Variants in TAP1 observed in about 807,000 individuals in gnomAD.
The protein encoded by TAP1 is antigen peptide transporter 1.
TAP1 carries 56 observed loss-of-function variants against 79.3 expected under a neutral mutation model. The observed-to-expected ratio is 0.71, with a 90% confidence interval of 0.57 to 0.88. The LOEUF (loss-of-function observed/expected upper bound fraction) is 0.88, where lower values mean the gene tolerates loss of function less well. Among genes scored for constraint, TAP1 ranks in the 40% least tolerant of loss-of-function variants. The pLI is 0.00. For synonymous variants in TAP1, 355 were observed against 401.4 expected (o/e 0.88, Z 1.38); for missense variants, 737 against 936.3 (o/e 0.79, Z 2.78).
In TAP1 at chr6:32,845,704, G is replaced by A. The variant is rs763013939; in HGVS notation, c.2122C>T (p.Gln708Ter). 1 of 1,613,048 alleles carries A rather than the reference G, an allele frequency of 6.2e-7. No individual in the cohort carries two copies. ...TCCAGAAAGAGGATGTGGTCAGCCT[G>A]CTCCACCAGGCTGAGGTGCTGGGTG... The part of the protein sequence containing the change: ...LITQHLSLVE[Q>*]ADHILFLEGG... Residue 708 changes from glutamine to a stop codon, truncating the protein, a stop_gained, in exon 11 of 11, where the codon CAG becomes TAG. Coordinates refer to ENST00000354258, the MANE Select transcript of TAP1 (RefSeq NM_000593.6). LOFTEE classifies it high-confidence loss of function. The surrounding 1 kb of genome is among the most constrained non-coding windows in gnomAD (Gnocchi z 4.5).
Position 32,847,599 on chromosome 6 carries a change from T to C in TAP1, c.1817A>G (p.Lys606Arg). ...QENIAYGLTQKPTMEEITAAA... is the reference protein window; with the variant it reads ...QENIAYGLTQRPTMEEITAAA... ...AGCTGTGATTTCCTCCATAGTTGGCTTCTGGGTCAGGCCATAGGCAATATT... is the reference window on the plus strand; with the variant it reads ...AGCTGTGATTTCCTCCATAGTTGGCCTCTGGGTCAGGCCATAGGCAATATT... Residue 606 changes from lysine to arginine, a missense_variant, in exon 9 of 11, where the codon AAG (lysine) becomes AGG (arginine). Around this residue, in one of 5 missense-constraint regions of TAP1, gnomAD observed 266 missense variants for 332.4 expected, o/e 0.80. Transcript: ENST00000354258. This position sits in a 1 kb window ranked among gnomAD's most constrained non-coding sequence, Gnocchi z 4.7. 2 of 1,614,120 alleles carry C rather than the reference T, an allele frequency of 1.2e-6. No homozygotes were observed. Among genetic ancestry groups the C allele is most frequent in the South Asian group, 1.1e-5 (1 of 91,066 alleles).
rs1715176722 is a variant in TAP1 at position 32,848,640 on chromosome 6, G to A, written c.1566+12C>T. 5.0e-6 allele frequency: 8 copies of A among 1,613,466 alleles called. No individual in the cohort carries two copies. The highest frequency in any genetic ancestry group is 5.9e-6 in the Non-Finnish European group (7 of 1,179,772). ...TTGGGGCCAGTGGAATACAGGGAGT[G>A]GTAGGTTGTACCTGTAGCACTAAGA... On this transcript the variant is annotated intron_variant, in intron 7 of 10. Coordinates refer to ENST00000354258, the MANE Select transcript of TAP1 (RefSeq NM_000593.6).
In TAP1 at chr6:32,848,988, A is replaced by T; in HGVS notation, c.1377+2T>A. On this transcript the variant is annotated splice_donor_variant, in intron 6 of 10. Transcript: ENST00000354258. LOFTEE classifies it high-confidence loss of function. Reference sequence around the variant, plus strand: ...TGGGGAGTGAAGGTGGAGGGACCTCACCTCCACAGCCTGGGTGAACTGCAT... The same window carrying T: ...TGGGGAGTGAAGGTGGAGGGACCTCTCCTCCACAGCCTGGGTGAACTGCAT... 6.2e-7 allele frequency: 1 copy of T among 1,612,490 alleles called. No individual in the cohort carries two copies. Among genetic ancestry groups the T allele is most frequent in the South Asian group, 1.1e-5 (1 of 90,700 alleles).
Position 32,847,805 on chromosome 6 carries a change from C to G in TAP1, c.1740+114G>C. On this transcript the variant is annotated intron_variant, in intron 8 of 10. Coordinates refer to ENST00000354258, the MANE Select transcript of TAP1 (RefSeq NM_000593.6). The surrounding 1 kb of genome is among the most constrained non-coding windows in gnomAD (Gnocchi z 4.7). ...TACTACCTCCCTCCTGACTACACCA[C>G]CATCTCCACCCAAGGTCTCTTATCA... The G allele has an allele frequency of 6.4e-7, 1 of 1,567,486 alleles. No homozygotes were observed. The highest frequency in any genetic ancestry group is 1.7e-5 in the Admixed American group (1 of 59,940).
In TAP1 at chr6:32,851,132, C is replaced by T; in HGVS notation, c.862G>A (p.Val288Ile). ...CTCAGGGTGGACGTGTCCTCTGTTA[C>T]CCGAGACATGATGTTACCTGCAGGG... ...QNQTGNIMSR[V>I]TEDTSTLSDS... is the part of the protein sequence containing the mutation. The change falls in exon 4 of 11, where the codon GTA becomes ATA. Residue 288 changes from valine (V) to isoleucine (I), a missense_variant. Transcript: ENST00000354258. This position sits in a 1 kb window ranked among gnomAD's most constrained non-coding sequence, Gnocchi z 4.8. 6.2e-7 allele frequency: 1 copy of T among 1,612,878 alleles called. No individual in the cohort carries two copies. The highest frequency in any genetic ancestry group is 8.5e-7 in the Non-Finnish European group (1 of 1,179,994).
rs752671881 is a variant in TAP1, at chr6:32,850,989, C to T, written c.1005G>A (p.Leu335=). Residue 335 remains leucine (L), a synonymous_variant, in exon 4 of 11, where the codon CTG becomes CTA. Transcript: ENST00000354258. This position sits in a 1 kb window ranked among gnomAD's most constrained non-coding sequence, Gnocchi z 5.5. The part of the protein sequence containing the change: ...VSLTMVTLIT[L]PLLFLLPKKV... ...TCTTGGGCAGAAGGAAAAGCAGAGG[C>T]AGGGTGATCAGGGTGACCATGGTGA... 1.9e-6 allele frequency: 3 copies of T among 1,612,844 alleles called. No homozygotes were observed. The highest frequency in any genetic ancestry group is 2.2e-5 in the South Asian group (2 of 91,068).
rs1423247028 is a variant in TAP1, at chr6:32,848,027, CT to C, written c.1631del (p.Lys544ArgfsTer60). 1.2e-6 allele frequency: 2 copies of C among 1,612,990 alleles called. No individual in the cohort carries two copies. Among genetic ancestry groups the C allele is most frequent in the African/African-American group, 2.7e-5 (2 of 74,946 alleles). ...TCTGCAGCAGGGCAGCCACTGTGCTCTTCCCAGACCCATTGGGTCCCACCAG... is the reference window on the plus strand; with the variant it reads ...TCTGCAGCAGGGCAGCCACTGTGCTCTCCCAGACCCATTGGGTCCCACCAG... ...TALVGPNGSG[K>X]STVAALLQNL... On this transcript the variant is annotated frameshift_variant, in exon 8 of 11. Transcript: ENST00000354258. LOFTEE classifies it high-confidence loss of function.
In TAP1 at chr6:32,853,092, G is replaced by C; in HGVS notation, c.545C>G (p.Ser182Trp). 1 of 1,612,610 alleles carries C rather than the reference G, an allele frequency of 6.2e-7. No individual in the cohort carries two copies. Among genetic ancestry groups the C allele is most frequent in the Non-Finnish European group, 8.5e-7 (1 of 1,179,960 alleles). The change falls in exon 1 of 11, where the codon TCG becomes TGG. Residue 182 changes from serine to tryptophan, a missense_variant. By Grantham distance (177) the Ser-to-Trp change is radical. Around this residue, in one of 5 missense-constraint regions of TAP1, gnomAD observed 406 missense variants for 477.2 expected, o/e 0.85. Transcript: ENST00000354258. The surrounding 1 kb of genome is among the most constrained non-coding windows in gnomAD (Gnocchi z 8.3). The part of the protein sequence containing the change: ...PVRRLLGCLG[S>W]ETRRLSLFLV... ...GAACAGCGAGAGGCGGCGCGTCTCC[G>C]AGCCCAGGCAGCCTAGAAGCCGACG...
chr6:32,846,889 G>T (rs887682000), intron 10 of TAP1, among the ~76,000 whole-genome samples, 179 bp downstream of exon 10: 1 of 152,156 alleles, frequency 6.6e-6, no homozygotes, highest in African/African-American at 2.4e-5. Flanking sequence ...CTGATTCTAG[G>T]TGTCTTTGCC....
At chr6:32,849,234 C>T (rs1318642145) in intron 5 of TAP1, 116 bp from the exon 6 acceptor site, 1 of 1,318,930 alleles carries the variant, frequency 7.6e-7, no homozygotes, top group East Asian at 2.5e-5. Context: ...GTGACATCGG[C>T]AGGCTCAATA....
rs764594339 is a variant in TAP1, at chr6:32,847,912, TC to T, written c.1740+6del. On this transcript the variant is annotated splice_donor_region_variant and intron_variant, in intron 8 of 10. Transcript: ENST00000354258. This position sits in a 1 kb window ranked among gnomAD's most constrained non-coding sequence, Gnocchi z 4.7. Reference sequence around the variant, plus strand: ...CCTGCCCTCCTTCAAGCCACCTGCTTCCATACCTGCCTGTGCAGGTAGCGGT... The same window carrying T: ...CCTGCCCTCCTTCAAGCCACCTGCTTCATACCTGCCTGTGCAGGTAGCGGT... 1.9e-6 allele frequency: 3 copies of T among 1,612,980 alleles called. No homozygotes were observed. In the East Asian group the frequency reaches 6.7e-5, roughly 36 times the overall value.
intron 5 of TAP1, 116 bp from the exon 6 acceptor site, chr6:32,849,234 C>G (rs1318642145): frequency 1.3e-5 from 17 of 1,318,814 alleles, no homozygotes; most frequent in Non-Finnish European, 1.7e-5. Context: ...GTGACATCGG[C>G]AGGCTCAATA....
chr6:32,849,585 CA>C (rs9280199), intron 5 of TAP1: 27,850 of 157,482 alleles, frequency 0.18, 1,955 homozygotes, highest in South Asian at 0.26. Flanking sequence ...ACTAAAAATA[CA>C]AAAAAAAAAA....
At position 32,850,440 on chromosome 6, in the gene TAP1, T is replaced by C. The variant is rs1770711928; in HGVS notation, c.1128A>G (p.Thr376=). 1 of 1,614,258 alleles carries C rather than the reference T, an allele frequency of 6.2e-7. No individual in the cohort carries two copies. The highest frequency in any genetic ancestry group is 1.7e-5 in the Admixed American group (1 of 60,034). Residue 376 remains threonine (T), a synonymous_variant, in exon 5 of 11, where the codon ACA becomes ACG. Coordinates refer to ENST00000354258, the MANE Select transcript of TAP1 (RefSeq NM_000593.6). The surrounding 1 kb of genome is among the most constrained non-coding windows in gnomAD (Gnocchi z 5.5). The stretch of plus-strand genomic sequence containing the variant: ...CCTCCTCGTTGGCAAAGCTTCGAAC[T>C]GTAGGCATGGCCGACAGAGCCTCAA... ...VAIEALSAMP[T]VRSFANEEGE... is the part of the protein sequence containing the mutation.
chr6:32,849,089 G>A lies in TAP1; in HGVS notation c.1278C>T (p.Ile426=), dbSNP rs764869491. Residue 426 remains isoleucine (I), a synonymous_variant, in exon 6 of 11, where the codon ATC becomes ATT. Transcript: ENST00000354258. ...TCACCAGCTGCCCACCAATGTAGAG[G>A]ATTCCCACTTTCAGCAGCATACCTG... is the stretch of plus-strand genomic sequence containing the variant. ...SISGMLLKVG[I]LYIGGQLVTS... 1.3e-5 allele frequency: 20 copies of A among 1,592,046 alleles called. No individual in the cohort carries two copies. The highest frequency in any genetic ancestry group is 1.5e-5 in the Non-Finnish European group (18 of 1,169,980).
chr6:32,848,043 G>A lies in TAP1; in HGVS notation c.1616C>T (p.Pro539Leu), dbSNP rs1770549743. ...CACTGTGCTCTTCCCAGACCCATTG[G>A]GTCCCACCAGCGCCGTCACCTCGCC... ...RPGEVTALVG[P>L]NGSGKSTVAA... is the part of the protein sequence containing the mutation. Residue 539 changes from proline to leucine, a missense_variant, in exon 8 of 11, where the codon CCC becomes CTC. Transcript: ENST00000354258. The A allele has an allele frequency of 6.2e-7, 1 of 1,612,908 alleles. No individual in the cohort carries two copies. The highest frequency in any genetic ancestry group is 1.7e-5 in the Admixed American group (1 of 60,006).
rs148278016 is a variant in TAP1 at position 32,851,951 on chromosome 6, C to CAG, written c.844+156_844+157dup. The stretch of plus-strand genomic sequence containing the variant: ...AGAGAGAGAGAGAGAGAGACAGAGA[C>CAG]AGAGAGAGAGAGACAGGGAGAGGGT... On this transcript the variant is annotated intron_variant, in intron 3 of 10. Transcript: ENST00000354258. This position sits in a 1 kb window ranked among gnomAD's most constrained non-coding sequence, Gnocchi z 4.8. 9.3e-5 allele frequency among the ~76,000 whole-genome samples: 12 copies of CAG among 129,620 alleles called. No individual in the cohort carries two copies. The highest frequency in any genetic ancestry group is 4.9e-4 in the East Asian group (2 of 4,094). The allele number at this position is 129,620 out of a possible 152,430, so 85.0% of individuals were successfully genotyped here. A position where few individuals can be genotyped will look rare whatever the true frequency, so the allele number is the denominator to read the frequency against.
In TAP1 at chr6:32,847,985, G is replaced by T. The variant is rs377621191; in HGVS notation, c.1674C>A (p.Thr558=). The T allele has an allele frequency of 1.3e-5, 21 of 1,612,986 alleles. No homozygotes were observed. The highest frequency in any genetic ancestry group is 1.7e-5 in the Admixed American group (1 of 60,010). The change falls in exon 8 of 11, where the codon ACC becomes ACA. Residue 558 remains threonine (T), a synonymous_variant. Coordinates refer to ENST00000354258, the MANE Select transcript of TAP1 (RefSeq NM_000593.6). This position sits in a 1 kb window ranked among gnomAD's most constrained non-coding sequence, Gnocchi z 4.7. ...AALLQNLYQP[T]GGQLLLDGKP... ...TCCCATCCAACAGCAGCTGTCCCCCGGTGGGCTGGTACAGATTCTGCAGCA... is the reference window on the plus strand; with the variant it reads ...TCCCATCCAACAGCAGCTGTCCCCCTGTGGGCTGGTACAGATTCTGCAGCA...
chr6:32,845,925 C>T lies in TAP1; in HGVS notation c.2041-140G>A. ...CCCAAGGACACCAACGTTTCCCATT[C>T]TGAGTACTTCTCCGCAAACCCTTTG... On this transcript the variant is annotated intron_variant, in intron 10 of 10. Transcript: ENST00000354258. This position sits in a 1 kb window ranked among gnomAD's most constrained non-coding sequence, Gnocchi z 4.5. 1 of 708,694 alleles carries T rather than the reference C, an allele frequency of 1.4e-6. No homozygotes were observed. Among genetic ancestry groups the T allele is most frequent in the South Asian group, 1.5e-5 (1 of 66,740 alleles). The allele number at this position is 708,694 out of a possible 1,614,324, so 43.9% of individuals were successfully genotyped here.
Sources: allele counts gnomAD v4.1 joint callset (sites outside exome capture counted in the v4.1 genomes callset), GRCh38; gene constraint gnomAD v4.1.1; regional missense constraint gnomAD v4.1.1; non-coding constraint Gnocchi (gnomAD v3.1); transcripts MANE v1.5; gene names NCBI Gene and HGNC (gene_info 2026-07-23, HGNC 2026-07-21).